KIF26B: variants seen among roughly 807,000 people sequenced by gnomAD.
The protein encoded by KIF26B is kinesin-like protein KIF26B.
In KIF26B, 63 loss-of-function variants were observed where a neutral mutation model predicts 151.2. The ratio of observed to expected loss-of-function variants is 0.42; its 90% confidence interval spans 0.34 to 0.51. The LOEUF (loss-of-function observed/expected upper bound fraction) is 0.51, where lower values mean the gene tolerates loss of function less well. KIF26B is among the 20% of genes least tolerant of loss of function. The pLI is 0.07. For synonymous variants in KIF26B, 1,357 were observed against 1,262.1 expected, an observed-to-expected ratio of 1.08 and a Z score of -1.59; for missense variants, 2,813 against 2,913.6, an observed-to-expected ratio of 0.97 and a Z score of 0.79.
At chr1:245,480,274 C>CGG (rs199997895) in intron 4 of KIF26B, among the ~76,000 whole-genome samples, 23 of 148,386 alleles carry the variant, frequency 1.6e-4, no homozygotes, top group African/African-American at 4.7e-4. Flanking sequence ...GACCCTGTCT[C>CGG]GGGGGGGAGG....
At chr1:245,440,278 C>A (rs1659045746) in intron 4 of KIF26B, among the ~76,000 whole-genome samples, 1 of 151,932 alleles carries the variant, frequency 6.6e-6, no homozygotes, top group African/African-American at 2.4e-5. Flanking sequence ...GGAAGCAAAG[C>A]CTGGTGAGCG....
intron 2 of KIF26B, among the ~76,000 whole-genome samples, chr1:245,232,020 T>C (rs565013185): frequency 1.4e-4 from 22 of 152,364 alleles, no homozygotes; most frequent in African/African-American, 5.0e-4. Context: ...TAAGGAAATT[T>C]GTCAAAATAA....
intron 14 of KIF26B, among the ~76,000 whole-genome samples, chr1:245,700,651 AAAAAAC>A (rs1301811691): frequency 1.4e-5 from 2 of 142,810 alleles, no homozygotes; most frequent in Non-Finnish European, 3.0e-5. Flanking sequence ...AAATAAAAAT[AAAAAAC>A]AGGAGGCATT....
At chr1:245,249,221 T>G (rs995408892) in intron 2 of KIF26B, among the ~76,000 whole-genome samples, 6 of 151,802 alleles carry the variant, frequency 4.0e-5, no homozygotes, top group African/African-American at 1.2e-4. Flanking sequence ...AAGCGCCTCC[T>G]GAGTAGCTGG....
rs1672519466 is a variant in KIF26B, at chr1:245,349,393, AATGG to A, written c.466-17435_466-17432del. 3.9e-5 allele frequency among the ~76,000 whole-genome samples: 6 copies of A among 152,282 alleles called. No individual in the cohort carries two copies. The South Asian group carries it at 1.2e-3, about 32-fold the overall frequency. On this transcript the variant is annotated intron_variant, in intron 2 of 14. Coordinates refer to ENST00000407071, the MANE Select transcript of KIF26B (RefSeq NM_018012.4). ...TTACAGCATGTTTTCCGTTGATGGTAATGGATGGAAATAATTTAAATAATAACAT... is the reference window on the plus strand; with the variant it reads ...TTACAGCATGTTTTCCGTTGATGGTAATGGAAATAATTTAAATAATAACAT...
intron 10 of KIF26B, among the ~76,000 whole-genome samples, chr1:245,678,508 C>T (rs760995406): frequency 1.3e-5 from 2 of 152,008 alleles, no homozygotes; most frequent in African/African-American, 2.4e-5. Context: ...CTATCTCATG[C>T]GTGTAAGAAT....
rs1347147461 is a variant in KIF26B at position 245,686,678 on chromosome 1, T to G, written c.3695T>G (p.Ile1232Ser). Residue 1232 changes from isoleucine to serine, a missense_variant, in exon 12 of 15, where the codon ATC becomes AGC. This residue lies in a region of KIF26B where 2,060 missense variants were observed against 2,088.6 expected (regional missense o/e 0.99). Coordinates refer to ENST00000407071, the MANE Select transcript of KIF26B (RefSeq NM_018012.4). This position sits in a 1 kb window ranked among gnomAD's most constrained non-coding sequence, Gnocchi z 5.6. ...LASGSRPVSI[I>S]SSISEDLECY... The stretch of plus-strand genomic sequence containing the variant: ...TCGGGCTCGCGGCCCGTCAGCATCA[T>G]CAGCAGCATCAGCGAGGACCTGGAG... 4 of 1,612,448 alleles carry G rather than the reference T, an allele frequency of 2.5e-6. No homozygotes were observed. The highest frequency in any genetic ancestry group is 8.5e-7 in the Non-Finnish European group (1 of 1,179,406).
At chr1:245,663,387 ATCAT>A (rs1337423239) in intron 10 of KIF26B, among the ~76,000 whole-genome samples, 8 of 23,344 alleles carry the variant, frequency 3.4e-4, no homozygotes, top group Non-Finnish European at 6.0e-4. Flanking sequence ...GTCATTTGTG[ATCAT>A]TTTTTTTTGT....
chr1:245,352,642 C>T lies in KIF26B; in HGVS notation c.466-14192C>T, dbSNP rs143257932. ...ATTTTAATCCTTTTTTGGACCACAA[C>T]AATCACTTTACGAACATTTTTTTAA... On this transcript the variant is annotated intron_variant, in intron 2 of 14. Transcript: ENST00000407071. The surrounding 1 kb of genome is among the most constrained non-coding windows in gnomAD (Gnocchi z 5.0). 1.3e-5 allele frequency among the ~76,000 whole-genome samples: 2 copies of T among 152,146 alleles called. No individual in the cohort carries two copies. Among genetic ancestry groups the T allele is most frequent in the African/African-American group, 4.8e-5 (2 of 41,448 alleles).
chr1:245,183,804 A>G (rs192240948), intron 2 of KIF26B, among the ~76,000 whole-genome samples: 75 of 152,154 alleles, frequency 4.9e-4, no homozygotes, highest in Non-Finnish European at 9.1e-4. Context: ...TTGGGGAACA[A>G]AGCAAATTAA....
At chr1:245,212,266 T>C (rs1211965098) in intron 2 of KIF26B, among the ~76,000 whole-genome samples, 1 of 152,132 alleles carries the variant, frequency 6.6e-6, no homozygotes, top group African/African-American at 2.4e-5. Context: ...AGGTGGGTAA[T>C]TGGGGGCCTC....
intron 5 of KIF26B, among the ~76,000 whole-genome samples, chr1:245,555,206 G>T (rs1216863939): frequency 2.0e-5 from 3 of 152,200 alleles, no homozygotes; most frequent in African/African-American, 7.2e-5. Flanking sequence ...CTGGAAGGTG[G>T]TGTATTCTGG....
chr1:245,220,440 TCC>T (rs1669743408), intron 2 of KIF26B, among the ~76,000 whole-genome samples: 3 of 151,578 alleles, frequency 2.0e-5, no homozygotes, highest in African/African-American at 7.3e-5. Flanking sequence ...GGGTCCAGGG[TCC>T]GGGGTCCAGG....
At position 245,602,775 on chromosome 1, in the gene KIF26B, G is replaced by A. The variant is rs770007495; in HGVS notation, c.1549G>A (p.Ala517Thr). The A allele has an allele frequency of 8.4e-5, 136 of 1,613,378 alleles. 1 individual carries two copies. The highest frequency in any genetic ancestry group is 5.6e-4 in the South Asian group (51 of 91,044). ...FAFDAVFPQD[A>T]SQAEVCAGTV... ...CTTCGATGCAGTTTTTCCACAAGAC[G>A]CTTCTCAGGTGGGTATCAGCCCCCT... is the stretch of plus-strand genomic sequence containing the variant. Residue 517 changes from alanine (A) to threonine (T), a missense_variant, in exon 6 of 15, where the codon GCT becomes ACT. By Grantham distance (58) the Ala-to-Thr change is moderately conservative (BLOSUM62 0). Coordinates refer to ENST00000407071, the MANE Select transcript of KIF26B (RefSeq NM_018012.4). The surrounding 1 kb of genome is among the most constrained non-coding windows in gnomAD (Gnocchi z 4.5).
At chr1:245,692,265 G>C (rs571570187) in intron 12 of KIF26B, among the ~76,000 whole-genome samples, 1 of 152,282 alleles carries the variant, frequency 6.6e-6, no homozygotes, top group Non-Finnish European at 1.5e-5. Flanking sequence ...GCCACTGTAA[G>C]AAGTTTGTAA....
intron 5 of KIF26B, among the ~76,000 whole-genome samples, chr1:245,569,659 G>A (rs1178019886): frequency 6.6e-6 from 1 of 151,936 alleles, no homozygotes; most frequent in Non-Finnish European, 1.5e-5. Context: ...GGATGTGGTG[G>A]TGCATGCCTG....
At chr1:245,681,179 A>G (rs2044431176) in intron 10 of KIF26B, among the ~76,000 whole-genome samples, 6 of 151,516 alleles carry the variant, frequency 4.0e-5, no homozygotes, top group Admixed American at 3.9e-4. Flanking sequence ...ACCACGTTAC[A>G]TCCTTTTATC....
intron 10 of KIF26B, among the ~76,000 whole-genome samples, chr1:245,653,661 A>G (rs967143039): frequency 2.0e-5 from 3 of 152,196 alleles, no homozygotes; most frequent in Admixed American, 2.0e-4. Context: ...CACCGAGTAC[A>G]GTTTCTGGAA....
chr1:245,434,787 G>A (rs1031297898), intron 4 of KIF26B, among the ~76,000 whole-genome samples: 5 of 152,134 alleles, frequency 3.3e-5, no homozygotes, highest in African/African-American at 1.2e-4. Flanking sequence ...AGCCCCAGTT[G>A]TCTGTGTCCA....
Sources: allele counts gnomAD v4.1 joint callset (sites outside exome capture counted in the v4.1 genomes callset), GRCh38; gene constraint gnomAD v4.1.1; regional missense constraint gnomAD v4.1.1; non-coding constraint Gnocchi (gnomAD v3.1); transcripts MANE v1.5; gene names NCBI Gene and HGNC (gene_info 2026-07-23, HGNC 2026-07-21).